LRRC8B: variants seen among roughly 807,000 people sequenced by gnomAD.
The protein encoded by LRRC8B is leucine rich repeat containing 8 VRAC subunit B.
LRRC8B carries 23 observed loss-of-function variants against 58.8 expected under a neutral mutation model. The ratio of observed to expected loss-of-function variants is 0.39; its 90% CI spans 0.28 to 0.55. The LOEUF is 0.55. Among genes scored for constraint, LRRC8B ranks in the 20% least tolerant of loss-of-function variants. LRRC8B has a pLI of 0.62. For missense variants in LRRC8B, 694 were observed against 936.0 expected, an observed-to-expected ratio of 0.74 and a Z score of 3.37; for synonymous variants, 359 against 374.1, an observed-to-expected ratio of 0.96 and a Z score of 0.47.
In LRRC8B at chr1:89,583,621, T is replaced by A; in HGVS notation, c.971T>A (p.Ile324Lys). The change falls in exon 5 of 6, where the codon ATA becomes AAA. Residue 324 changes from isoleucine to lysine, a missense_variant. This residue lies in a region of LRRC8B where 316 missense variants were observed against 403.8 expected (regional missense o/e 0.78). Transcript: ENST00000330947. This position sits in a 1 kb window ranked among gnomAD's most constrained non-coding sequence, Gnocchi z 5.2. ...GCTTCATTTTATGTCATTTTGGTTA[T>A]ACTTTATGGTCTGACCTCTTCCTAC... ...VLASFYVILV[I>K]LYGLTSSYSL... is the part of the protein sequence containing the mutation. The A allele has an allele frequency of 6.2e-7, 1 of 1,612,702 alleles. No individual in the cohort carries two copies.
At chr1:89,592,723 A>G (rs1277153735) in intron 5 of LRRC8B, 48 bp from the exon 6 acceptor site, 1 of 1,553,830 alleles carries the variant, frequency 6.4e-7, no homozygotes, top group East Asian at 2.2e-5. Flanking sequence ...TCTTATCATA[A>G]GCCACCAAAA....
intron 1 of LRRC8B, among the ~76,000 whole-genome samples, chr1:89,525,980 G>C (rs1649664519): frequency 6.6e-6 from 1 of 152,130 alleles, no homozygotes; most frequent in South Asian, 2.1e-4. Flanking sequence ...AAGACATTAC[G>C]TAGCATGATT....
At chr1:89,530,055 A>G (rs148691991) in intron 1 of LRRC8B, among the ~76,000 whole-genome samples, 183 of 152,198 alleles carry the variant, frequency 1.2e-3, no homozygotes, top group Middle Eastern at 6.8e-3. Flanking sequence ...AGGTTGTTAT[A>G]AAGGAGACAT....
At chr1:89,574,150 C>T (rs768815206) in intron 3 of LRRC8B, among the ~76,000 whole-genome samples, 5 of 152,220 alleles carry the variant, frequency 3.3e-5, no homozygotes, top group Non-Finnish European at 7.3e-5. Flanking sequence ...AGTAGAAGCA[C>T]CAGTGTTGTG....
intron 1 of LRRC8B, among the ~76,000 whole-genome samples, chr1:89,536,783 C>G (rs1302655006): frequency 6.6e-6 from 1 of 152,126 alleles, no homozygotes; most frequent in Non-Finnish European, 1.5e-5. Context: ...TCACCTGAGT[C>G]TGAGTTCAAA....
chr1:89,546,919 A>C (rs1011745425), intron 1 of LRRC8B, among the ~76,000 whole-genome samples: 3 of 152,238 alleles, frequency 2.0e-5, no homozygotes, highest in Non-Finnish European at 2.9e-5. Context: ...GACACACATA[A>C]GCTTGTGAAA....
intron 5 of LRRC8B, among the ~76,000 whole-genome samples, chr1:89,590,021 G>C (rs1307260332): frequency 6.6e-6 from 1 of 152,056 alleles, no homozygotes; most frequent in Non-Finnish European, 1.5e-5. Context: ...TATAGCTTAT[G>C]TATGTGTGTA....
At chr1:89,545,850 G>C (rs1010729929) in intron 1 of LRRC8B, among the ~76,000 whole-genome samples, 30 of 152,180 alleles carry the variant, frequency 2.0e-4, no homozygotes, top group Admixed American at 6.5e-4. Context: ...GTTGAAGAAG[G>C]GGGTGGACGG....
intron 3 of LRRC8B, among the ~76,000 whole-genome samples, chr1:89,578,485 C>G (rs771413981): frequency 1.3e-5 from 2 of 152,174 alleles, no homozygotes; most frequent in Non-Finnish European, 2.9e-5. Context: ...CAGCTAGGTT[C>G]TTATACATAC....
chr1:89,559,477 A>AG (rs1160977163), intron 1 of LRRC8B, among the ~76,000 whole-genome samples: 2 of 151,972 alleles, frequency 1.3e-5, no homozygotes, highest in African/African-American at 2.4e-5. Flanking sequence ...CTACAAAAAA[A>AG]TTAAAAAATA....
At chr1:89,541,900 T>C (rs1651025110) in intron 1 of LRRC8B, among the ~76,000 whole-genome samples, 1 of 152,080 alleles carries the variant, frequency 6.6e-6, no homozygotes, top group Non-Finnish European at 1.5e-5. Context: ...ACAGAAAGCA[T>C]TGACTATACC....
chr1:89,546,831 G>A (rs892073217), intron 1 of LRRC8B, among the ~76,000 whole-genome samples: 2 of 152,138 alleles, frequency 1.3e-5, no homozygotes, highest in African/African-American at 4.8e-5. Flanking sequence ...GACAAGAGAT[G>A]TATCAGAAAT....
chr1:89,583,552 G>T lies in LRRC8B; in HGVS notation c.902G>T (p.Arg301Leu). The T allele has an allele frequency of 6.2e-7, 1 of 1,611,726 alleles. No individual in the cohort carries two copies. Among genetic ancestry groups the T allele is most frequent in the Non-Finnish European group, 8.5e-7 (1 of 1,180,026 alleles). Residue 301 changes from arginine (R) to leucine (L), a missense_variant, in exon 5 of 6, where the codon CGC (arginine) becomes CTC (leucine). Coordinates refer to ENST00000330947, the MANE Select transcript of LRRC8B (RefSeq NM_001369817.2). This position sits in a 1 kb window ranked among gnomAD's most constrained non-coding sequence, Gnocchi z 5.2. ...VDVQAFTGYK[R>L]YQCVYSLAEI... ...GTGCAGGCTTTTACAGGATATAAGC[G>T]CTACCAGTGTGTCTATTCCTTGGCA...
At chr1:89,554,996 A>G (rs1256019174) in intron 1 of LRRC8B, among the ~76,000 whole-genome samples, 1 of 152,054 alleles carries the variant, frequency 6.6e-6, no homozygotes, top group East Asian at 1.9e-4. Flanking sequence ...TCATGTGTCA[A>G]ACTTCCAGAT....
chr1:89,547,788 G>A (rs1318987059), intron 1 of LRRC8B, among the ~76,000 whole-genome samples: 1 of 151,806 alleles, frequency 6.6e-6, no homozygotes, highest in Non-Finnish European at 1.5e-5. Flanking sequence ...ACAGCAAAAA[G>A]CTTTCTTCAT....
At chr1:89,525,046 G>C (rs999299150) in intron 1 of LRRC8B, 24 bp downstream of exon 1, 1 of 152,464 alleles carries the variant, frequency 6.6e-6, no homozygotes, top group African/African-American at 2.4e-5. Flanking sequence ...TGACACCCCG[G>C]TTCCAGGAGG....
At chr1:89,558,817 C>T (rs1044010546) in intron 1 of LRRC8B, 1 of 152,174 alleles carries the variant, frequency 6.6e-6, no homozygotes, top group African/African-American at 2.4e-5. Context: ...AGAGAACTTA[C>T]CCCTTCAAGC....
chr1:89,566,762 G>T (rs1371401607), intron 1 of LRRC8B, among the ~76,000 whole-genome samples: 2 of 152,176 alleles, frequency 1.3e-5, no homozygotes, highest in African/African-American at 4.8e-5. Context: ...GATCCTTTGG[G>T]GCTTTTTGTT....
intron 4 of LRRC8B, among the ~76,000 whole-genome samples, chr1:89,581,159 C>T (rs543965686): frequency 2.4e-3 from 365 of 149,732 alleles, no homozygotes; most frequent in Non-Finnish European, 4.0e-3. Flanking sequence ...ATTAGCTGGG[C>T]GTGATGCCAT....
Sources: gnomAD v4.1 joint callset for allele counts (sites outside exome capture counted in the v4.1 genomes callset) on GRCh38, gnomAD v4.1.1 for gene constraint, gnomAD v4.1.1 regional missense constraint, Gnocchi (gnomAD v3.1) non-coding constraint, MANE v1.5 for transcripts, NCBI Gene and HGNC (gene_info 2026-07-23, HGNC 2026-07-21) for gene names.